The following ALK variants were observed in gnomAD, a reference collection of about 807,000 sequenced individuals.
ALK encodes ALK receptor tyrosine kinase.
In ALK, 74 loss-of-function variants were observed where a neutral mutation model predicts 163.1. The ratio of observed to expected loss-of-function variants is 0.45; its 90% CI spans 0.38 to 0.55. The LOEUF (loss-of-function observed/expected upper bound fraction) is 0.55, where lower values mean the gene tolerates loss of function less well. ALK is among the 20% of genes least tolerant of loss of function. The pLI is 0.00. For missense variants in ALK, 2,063 were observed against 2,105.3 expected, an observed-to-expected ratio of 0.98 and a Z score of 0.39; for synonymous variants, 960 against 843.2, an observed-to-expected ratio of 1.14 and a Z score of -2.40.
At chr2:29,756,522 C>T (rs1047923565) in intron 1 of ALK, among the ~76,000 whole-genome samples, 11 of 137,686 alleles carry the variant, frequency 8.0e-5, no homozygotes, top group South Asian at 2.4e-4. Flanking sequence ...AGATCATTTA[C>T]TCATTGATTT....
At chr2:29,260,526 T>TA (rs1433712829) in intron 11 of ALK, among the ~76,000 whole-genome samples, 3 of 152,234 alleles carry the variant, frequency 2.0e-5, no homozygotes, top group Non-Finnish European at 4.4e-5. Flanking sequence ...CTCCTTTTTT[T>TA]AATACAGTGT....
chr2:29,427,779 A>G (rs1670181873), intron 4 of ALK, among the ~76,000 whole-genome samples: 1 of 152,150 alleles, frequency 6.6e-6, no homozygotes, highest in Non-Finnish European at 1.5e-5. Flanking sequence ...GGGGAAACAG[A>G]AACCCAAAAT....
intron 11 of ALK, among the ~76,000 whole-genome samples, chr2:29,272,946 C>T (rs180743094): frequency 7.9e-5 from 12 of 152,318 alleles, no homozygotes; most frequent in African/African-American, 1.9e-4. Context: ...TTTACTCATC[C>T]CTATAATGGT....
At chr2:29,774,021 G>A (rs137981674) in intron 1 of ALK, among the ~76,000 whole-genome samples, 3 of 152,316 alleles carry the variant, frequency 2.0e-5, no homozygotes, top group Non-Finnish European at 2.9e-5. Context: ...CTTGCCCATC[G>A]ATGCTCAGAG....
intron 1 of ALK, among the ~76,000 whole-genome samples, chr2:29,918,889 T>C (rs1040944340): frequency 6.6e-6 from 1 of 152,218 alleles, no homozygotes. Context: ...TTGTGTAGGC[T>C]TTTTAAAAGC....
intron 3 of ALK, among the ~76,000 whole-genome samples, chr2:29,601,609 T>C (rs1473034311): frequency 1.3e-5 from 2 of 152,090 alleles, no homozygotes; most frequent in African/African-American, 4.8e-5. Context: ...CAGGGCAGAA[T>C]TATGGTGCTC....
At chr2:29,620,237 TG>T (rs1013462388) in intron 3 of ALK, among the ~76,000 whole-genome samples, 1 of 152,034 alleles carries the variant, frequency 6.6e-6, no homozygotes, top group Non-Finnish European at 1.5e-5. Context: ...ATCAAGGTGG[TG>T]GTTCCTTCAG....
chr2:29,450,404 T>A (rs2148091443), intron 4 of ALK, among the ~76,000 whole-genome samples: 1 of 152,250 alleles, frequency 6.6e-6, no homozygotes, highest in African/African-American at 2.4e-5. Context: ...CTAGGACAAT[T>A]CCAGGGCACA....
intron 3 of ALK, among the ~76,000 whole-genome samples, chr2:29,550,739 T>A (rs1364049792): frequency 1.3e-5 from 2 of 152,202 alleles, no homozygotes; most frequent in African/African-American, 4.8e-5. Context: ...ATCAATCTTG[T>A]TTATGTGCAT....
intron 4 of ALK, among the ~76,000 whole-genome samples, chr2:29,477,918 C>T (rs1218114158): frequency 2.0e-5 from 3 of 152,054 alleles, no homozygotes; most frequent in African/African-American, 4.8e-5. Context: ...AGCCTATAGG[C>T]GAAGCAAGGA....
intron 3 of ALK, among the ~76,000 whole-genome samples, chr2:29,574,486 AT>A (rs1398857915): frequency 6.6e-6 from 1 of 152,156 alleles, no homozygotes; most frequent in African/African-American, 2.4e-5. Flanking sequence ...GACAGACTTG[AT>A]TTTATATGTT....
At chr2:29,423,581 G>A (rs1443031609) in intron 4 of ALK, among the ~76,000 whole-genome samples, 2 of 152,188 alleles carry the variant, frequency 1.3e-5, no homozygotes, top group Admixed American at 6.5e-5. Context: ...TGTTTACTGG[G>A]CAAATAATCG....
At chr2:29,757,770 C>T (rs1169844566) in intron 1 of ALK, among the ~76,000 whole-genome samples, 1 of 152,088 alleles carries the variant, frequency 6.6e-6, no homozygotes, top group East Asian at 1.9e-4. Flanking sequence ...GCACATGCAG[C>T]CTCTGTGGCA....
chr2:29,419,149 T>G (rs10191911), intron 4 of ALK, among the ~76,000 whole-genome samples: 86,211 of 151,010 alleles, frequency 0.57, 25,554 homozygotes, highest in East Asian at 0.71. Flanking sequence ...CCGCCTCCCG[T>G]GTTCAAGTGA....
At chr2:29,391,543 C>T (rs965829665) in intron 4 of ALK, among the ~76,000 whole-genome samples, 3 of 152,092 alleles carry the variant, frequency 2.0e-5, no homozygotes, top group Non-Finnish European at 4.4e-5. Flanking sequence ...TCAGGTGATC[C>T]GCCCACCTTG....
chr2:29,316,474 T>G (rs1558666706), intron 8 of ALK, among the ~76,000 whole-genome samples: 4 of 152,172 alleles, frequency 2.6e-5, no homozygotes, highest in African/African-American at 9.7e-5. Context: ...AAGCTATTGA[T>G]CAACTCAAAG....
At chr2:29,879,984 C>T (rs1666813943) in intron 1 of ALK, among the ~76,000 whole-genome samples, 1 of 152,202 alleles carries the variant, frequency 6.6e-6, no homozygotes, top group Admixed American at 6.5e-5. Flanking sequence ...AGATGATTTT[C>T]TCCAACTGCC....
chr2:29,204,556 G>T (rs1344214409), intron 26 of ALK, among the ~76,000 whole-genome samples: 4 of 152,096 alleles, frequency 2.6e-5, no homozygotes, highest in South Asian at 2.1e-4. Context: ...TCACATCAGG[G>T]GAACATACTG....
intron 1 of ALK, among the ~76,000 whole-genome samples, chr2:29,759,923 C>T (rs553524915): frequency 6.6e-6 from 1 of 152,276 alleles, no homozygotes; most frequent in Admixed American, 6.5e-5. Flanking sequence ...CAACAATAAA[C>T]ACACTGTACA....
Sources: gnomAD v4.1 joint callset for allele counts (sites outside exome capture counted in the v4.1 genomes callset) on GRCh38, gnomAD v4.1.1 for gene constraint, MANE v1.5 for transcripts, NCBI Gene and HGNC (gene_info 2026-07-23, HGNC 2026-07-21) for gene names.